The following STAM2 variants were observed in gnomAD, a reference collection of about 807,000 sequenced individuals.
The protein encoded by STAM2 is signal transducing adaptor molecule 2, also known as signal transducing adapter molecule 2.
STAM2 carries 51 observed loss-of-function variants against 65.6 expected under a neutral mutation model. That is an observed-to-expected ratio of 0.78 (90% confidence interval 0.62 to 0.98). STAM2 has a LOEUF of 0.98. STAM2 is among the 50% of genes least tolerant of loss of function. The pLI, the probability that STAM2 is intolerant of heterozygous loss-of-function variation, is 0.00. For missense variants in STAM2, 584 were observed against 617.8 expected, an observed-to-expected ratio of 0.95 and a Z score of 0.58; for synonymous variants, 198 against 208.4, an observed-to-expected ratio of 0.95 and a Z score of 0.43.
intron 12 of STAM2, among the ~76,000 whole-genome samples, chr2:152,125,136 C>T (rs560157119): frequency 1.3e-5 from 2 of 152,280 alleles, no homozygotes; most frequent in African/African-American, 4.8e-5. Context: ...TTTTATCATA[C>T]AATGATGCAG....
chr2:152,129,147 AT>A (rs201799004), intron 11 of STAM2, among the ~76,000 whole-genome samples: 4 of 151,510 alleles, frequency 2.6e-5, no homozygotes, highest in Non-Finnish European at 2.9e-5. Context: ...GGTCACTTTG[AT>A]TTTTTTTTCT....
At chr2:152,163,258 A>G (rs1398633175) in intron 1 of STAM2, among the ~76,000 whole-genome samples, 1 of 152,250 alleles carries the variant, frequency 6.6e-6, no homozygotes, top group East Asian at 1.9e-4. Flanking sequence ...CCCAAAATTA[A>G]TACTTTTATC....
At chr2:152,161,517 C>A (rs962544427) in intron 1 of STAM2, among the ~76,000 whole-genome samples, 349 of 120,100 alleles carry the variant, frequency 2.9e-3, no homozygotes, top group African/African-American at 9.4e-3. Flanking sequence ...AAAAAAAAAA[C>A]ATTATATATA....
At chr2:152,174,295 T>A (rs1384903804) in intron 1 of STAM2, among the ~76,000 whole-genome samples, 1 of 152,208 alleles carries the variant, frequency 6.6e-6, no homozygotes, top group Non-Finnish European at 1.5e-5. Flanking sequence ...TAATAGCAAT[T>A]TTTTAAAAGT....
chr2:152,122,345 A>C (rs1261154654), intron 13 of STAM2, among the ~76,000 whole-genome samples: 1 of 152,012 alleles, frequency 6.6e-6, no homozygotes, highest in Non-Finnish European at 1.5e-5. Flanking sequence ...AGATCCCTTA[A>C]GCCCGGGAGT....
At chr2:152,134,700 A>G (rs1414439344) in intron 8 of STAM2, among the ~76,000 whole-genome samples, 1 of 152,170 alleles carries the variant, frequency 6.6e-6, no homozygotes, top group Non-Finnish European at 1.5e-5. Flanking sequence ...CTTATCTGTA[A>G]GACAGGGCAA....
At chr2:152,144,080 A>G in intron 6 of STAM2, 67 bp from the exon 7 acceptor site, 1 of 1,250,388 alleles carries the variant, frequency 8.0e-7, no homozygotes, top group Non-Finnish European at 1.1e-6. Flanking sequence ...TTAGATGACA[A>G]TGTAAAATTT....
intron 1 of STAM2, among the ~76,000 whole-genome samples, chr2:152,161,970 G>A (rs1689686872): frequency 6.6e-6 from 1 of 152,036 alleles, no homozygotes; most frequent in African/African-American, 2.4e-5. Flanking sequence ...TTACAGGCAT[G>A]TGCCACCACA....
intron 12 of STAM2, 161 bp downstream of exon 12, chr2:152,126,065 G>C (rs1467497667): frequency 1.2e-5 from 7 of 573,364 alleles, no homozygotes; most frequent in Non-Finnish European, 1.9e-5. Context: ...TTGCTCTGGT[G>C]AATGTTAATT....
chr2:152,159,110 T>TATATATATATATATATATAGAC (rs575009275), intron 1 of STAM2, among the ~76,000 whole-genome samples: 2 of 129,234 alleles, frequency 1.5e-5, no homozygotes, highest in Non-Finnish European at 3.1e-5. Context: ...TATATATATA[T>TATATATATATATATATATAGAC]ACACACACAG....
At chr2:152,130,168 T>C (rs911596616) in intron 11 of STAM2, among the ~76,000 whole-genome samples, 1 of 152,200 alleles carries the variant, frequency 6.6e-6, no homozygotes, top group African/African-American at 2.4e-5. Context: ...GATAGAGAGC[T>C]GAGAAATAAG....
rs70974823 is a variant in STAM2 at position 152,149,496 on chromosome 2, C to CTT, written c.125+647_125+648dup. Among the ~76,000 whole-genome samples, 23 of 126,576 alleles carry CTT rather than the reference C, an allele frequency of 1.8e-4. 1 individual carries two copies. The highest frequency in any genetic ancestry group is 2.1e-4 in the Non-Finnish European group (13 of 61,338). 83.0% of individuals were successfully genotyped at this position (126,576 alleles called of 152,430 possible). A position where few individuals can be genotyped will look rare whatever the true frequency, so the allele number is the denominator to read the frequency against. On this transcript the variant is annotated intron_variant, in intron 2 of 13. Transcript: ENST00000263904. ...AAAACTTCACTATTAATAGTCTACTCTTTTTTTTTTTTTTTTTTTGAGACA... is the reference window on the plus strand; with the variant it reads ...AAAACTTCACTATTAATAGTCTACTCTTTTTTTTTTTTTTTTTTTTTGAGACA...
rs542059687 is a variant in STAM2 at position 152,118,742 on chromosome 2, C to A, written c.*1832G>T. The A allele has an allele frequency of 4.0e-5, 6 of 151,532 alleles. 1 individual carries two copies. In the South Asian group the frequency reaches 1.2e-3, roughly 32 times the overall value. 9.4% of individuals were successfully genotyped at this position (151,532 alleles called of 1,614,324 possible). A position where few individuals can be genotyped will look rare whatever the true frequency, so the allele number is the denominator to read the frequency against. On this transcript the variant is annotated 3_prime_UTR_variant, in exon 14 of 14. Coordinates refer to ENST00000263904, the MANE Select transcript of STAM2 (RefSeq NM_005843.6). ...TTAAAAATTATTATTTTGTAAATAA[C>A]AGAAGATTTGTTTCCAAAAAGTAAG... is the stretch of plus-strand genomic sequence containing the variant.
chr2:152,157,121 A>G (rs1397971287), intron 1 of STAM2, among the ~76,000 whole-genome samples: 2 of 152,102 alleles, frequency 1.3e-5, no homozygotes, highest in Non-Finnish European at 2.9e-5. Flanking sequence ...GACTAGCCCA[A>G]GTAGAGAAGG....
At chr2:152,172,721 A>T (rs929822821) in intron 1 of STAM2, among the ~76,000 whole-genome samples, 4 of 151,880 alleles carry the variant, frequency 2.6e-5, no homozygotes, top group Non-Finnish European at 5.9e-5. Flanking sequence ...AATACAAAAA[A>T]TTAGCCAGGT....
At position 152,150,786 on chromosome 2, in the gene STAM2, A is replaced by T. The variant is rs535903820; in HGVS notation, c.41-557T>A. Among the ~76,000 whole-genome samples the T allele has an allele frequency of 7.9e-5, 12 of 152,346 alleles. 1 individual carries two copies. The East Asian group carries it at 2.1e-3, about 27-fold the overall frequency. Reference sequence around the variant, plus strand: ...ATGCTACCGCACTCCAGCCTGGATGACAGGGTGAGACTCTACCTCTTAAAA... The same window carrying T: ...ATGCTACCGCACTCCAGCCTGGATGTCAGGGTGAGACTCTACCTCTTAAAA... On this transcript the variant is annotated intron_variant, in intron 1 of 13. Coordinates refer to ENST00000263904, the MANE Select transcript of STAM2 (RefSeq NM_005843.6).
At chr2:152,173,478 C>T (rs1290959801) in intron 1 of STAM2, among the ~76,000 whole-genome samples, 2 of 151,024 alleles carry the variant, frequency 1.3e-5, no homozygotes, top group East Asian at 3.9e-4. Context: ...CTCACTGCAA[C>T]CTCCGCCTCC....
intron 4 of STAM2, 47 bp from the exon 5 acceptor site, chr2:152,147,355 A>ATAATT: frequency 2.0e-6 from 3 of 1,468,226 alleles, no homozygotes; most frequent in Non-Finnish European, 2.7e-6. Flanking sequence ...TACGGTTAAA[A>ATAATT]TAAGTACTTA....
chr2:152,157,557 A>C (rs1689576819), intron 1 of STAM2, among the ~76,000 whole-genome samples: 1 of 152,156 alleles, frequency 6.6e-6, no homozygotes, highest in African/African-American at 2.4e-5. Flanking sequence ...GCTGTATATA[A>C]CCCAAGGGGT....
Sources: allele counts gnomAD v4.1 joint callset (sites outside exome capture counted in the v4.1 genomes callset), GRCh38; gene constraint gnomAD v4.1.1; transcripts MANE v1.5; gene names NCBI Gene and HGNC (gene_info 2026-07-23, HGNC 2026-07-21).